Variants in RGS8 observed in about 807,000 individuals in gnomAD.
RGS8 encodes the protein regulator of G protein signaling 8.
RGS8 carries 8 observed loss-of-function variants against 21.7 expected under a neutral mutation model. That is an observed-to-expected ratio of 0.37 (90% CI 0.22 to 0.66). RGS8 has a LOEUF of 0.66. Ranked by LOEUF, RGS8 falls within the 30% of genes least tolerant of loss-of-function variation. The pLI is 0.59. For missense variants in RGS8, 157 were observed against 217.9 expected (o/e 0.72, Z 1.76); for synonymous variants, 80 against 83.6 (o/e 0.96, Z 0.24).
intron 3 of RGS8, among the ~76,000 whole-genome samples, chr1:182,667,417 G>A (rs1039707935): frequency 3.3e-5 from 5 of 152,204 alleles, no homozygotes; most frequent in Admixed American, 2.6e-4. Context: ...TTTGCAGGGT[G>A]CAGGGTGCAT....
chr1:182,739,682 A>T, the RGS8 span, among the ~76,000 whole-genome samples: 2 of 152,126 alleles, frequency 1.3e-5, no homozygotes, highest in Middle Eastern at 3.2e-3. Context: ...GTATGTAGAC[A>T]GTGCTGTTTC....
the RGS8 span, among the ~76,000 whole-genome samples, chr1:182,735,603 C>T: frequency 6.6e-6 from 1 of 152,106 alleles, no homozygotes; most frequent in Non-Finnish European, 1.5e-5. Flanking sequence ...AAGAGAGGGC[C>T]CTGGTGGAAG....
the RGS8 span, among the ~76,000 whole-genome samples, chr1:182,713,852 T>G: frequency 6.6e-6 from 1 of 152,212 alleles, no homozygotes; most frequent in Admixed American, 6.5e-5. Context: ...TATGGTCACT[T>G]TTTAAAGTAA....
chr1:182,706,737 A>T, the RGS8 span, among the ~76,000 whole-genome samples: 348 of 152,142 alleles, frequency 2.3e-3, 1 homozygote, highest in Non-Finnish European at 4.0e-3. Flanking sequence ...AGGTGCTGGG[A>T]TTACAGGCAT....
chr1:182,689,850 C>T, the RGS8 span, among the ~76,000 whole-genome samples: 970 of 152,328 alleles, frequency 6.4e-3, 4 homozygotes, highest in Middle Eastern at 0.014. Flanking sequence ...TACACAATGA[C>T]ACTCATCACT....
upstream of RGS8, among the ~76,000 whole-genome samples, chr1:182,687,166 C>T (rs1664728978): frequency 6.6e-6 from 1 of 152,038 alleles, no homozygotes; most frequent in African/African-American, 2.4e-5. Flanking sequence ...TCCAATTCAA[C>T]AGGTCTAGGG....
the RGS8 span, among the ~76,000 whole-genome samples, chr1:182,728,118 C>G: frequency 6.6e-6 from 1 of 152,150 alleles, no homozygotes; most frequent in Non-Finnish European, 1.5e-5. Flanking sequence ...ATTACAAAAT[C>G]ACTGCTCACA....
chr1:182,742,609 C>T, the RGS8 span, among the ~76,000 whole-genome samples: 2 of 152,208 alleles, frequency 1.3e-5, no homozygotes, highest in Non-Finnish European at 2.9e-5. Context: ...CGTGGTGGCG[C>T]GCGCCTGCAA....
chr1:182,648,919 G>A (rs1030562701), intron 5 of RGS8, among the ~76,000 whole-genome samples: 5 of 152,086 alleles, frequency 3.3e-5, no homozygotes, highest in African/African-American at 1.2e-4. Context: ...TGGCCAACAT[G>A]GCAAAACGTC....
the RGS8 span, among the ~76,000 whole-genome samples, chr1:182,707,003 C>T: frequency 1.3e-5 from 2 of 151,460 alleles, no homozygotes; most frequent in Non-Finnish European, 2.9e-5. Context: ...ACTAAAAATA[C>T]AAAAAATTAG....
At chr1:182,651,188 G>T (rs1662996774) in intron 5 of RGS8, among the ~76,000 whole-genome samples, 1 of 152,184 alleles carries the variant, frequency 6.6e-6, no homozygotes, top group African/African-American at 2.4e-5. Flanking sequence ...GTTCAATTCA[G>T]CCATGTCTTT....
At chr1:182,724,785 T>G in the RGS8 span, among the ~76,000 whole-genome samples, 1 of 152,202 alleles carries the variant, frequency 6.6e-6, no homozygotes, top group Non-Finnish European at 1.5e-5. Flanking sequence ...CTCGAACTCC[T>G]GACCTCAGGT....
At chr1:182,694,759 G>A in the RGS8 span, among the ~76,000 whole-genome samples, 1 of 148,422 alleles carries the variant, frequency 6.7e-6, no homozygotes, top group Non-Finnish European at 1.5e-5. Flanking sequence ...AGTGAACCGA[G>A]ATAGAGCCAC....
At chr1:182,728,884 C>A in the RGS8 span, among the ~76,000 whole-genome samples, 3 of 152,180 alleles carry the variant, frequency 2.0e-5, no homozygotes, top group Admixed American at 1.3e-4. Context: ...TCTGCTAATG[C>A]ATGCTGGGCT....
At chr1:182,672,627 A>C (rs1664220113), upstream of RGS8, among the ~76,000 whole-genome samples, 1 of 151,656 alleles carries the variant, frequency 6.6e-6, no homozygotes, top group Non-Finnish European at 1.5e-5. Flanking sequence ...CATATTTCCA[A>C]CTCTGTGCTC....
intron 5 of RGS8, among the ~76,000 whole-genome samples, chr1:182,649,154 T>C (rs1481546477): frequency 2.0e-5 from 3 of 152,142 alleles, no homozygotes; most frequent in African/African-American, 7.2e-5. Flanking sequence ...TAGGAAGTTG[T>C]AGTAATATAT....
chr1:182,672,756 G>A (rs750617656), upstream of RGS8: 46 of 1,589,920 alleles, frequency 2.9e-5, no homozygotes, highest in East Asian at 2.9e-4. Context: ...TGTTCTGCCC[G>A]ATCTGCACAT....
the RGS8 span, among the ~76,000 whole-genome samples, chr1:182,695,213 G>T: frequency 6.6e-6 from 1 of 152,146 alleles, no homozygotes; most frequent in Non-Finnish European, 1.5e-5. Flanking sequence ...CTGCTAAAGC[G>T]GTTAGTCTTT....
the RGS8 span, among the ~76,000 whole-genome samples, chr1:182,705,554 C>A: frequency 2.2e-5 from 3 of 135,558 alleles, no homozygotes; most frequent in African/African-American, 5.8e-5. Flanking sequence ...GCTACTTTAT[C>A]TAGAACATGC....
Sources: allele counts gnomAD v4.1 joint callset (sites outside exome capture counted in the v4.1 genomes callset), GRCh38; gene constraint gnomAD v4.1.1; transcripts MANE v1.5; gene names NCBI Gene and HGNC (gene_info 2026-07-23, HGNC 2026-07-21).